The following PTPRG variants were observed in gnomAD, a reference collection of about 807,000 sequenced individuals.
The protein encoded by PTPRG is receptor-type tyrosine-protein phosphatase gamma.
Under a neutral mutation model 165.3 loss-of-function variants are expected in PTPRG, and 102 were observed. That is an observed-to-expected ratio of 0.62 (90% CI 0.53 to 0.73). The LOEUF (loss-of-function observed/expected upper bound fraction) is 0.73, where lower values mean the gene tolerates loss of function less well. PTPRG is among the 30% of genes least tolerant of loss of function. The pLI is 0.00. For missense variants in PTPRG, 1,866 were observed against 1,861.4 expected, an observed-to-expected ratio of 1.00 and a Z score of -0.05; for synonymous variants, 675 against 669.5, an observed-to-expected ratio of 1.01 and a Z score of -0.13.
At chr3:61,800,797 C>G (rs2035205903) in intron 2 of PTPRG, among the ~76,000 whole-genome samples, 1 of 152,088 alleles carries the variant, frequency 6.6e-6, no homozygotes, top group East Asian at 1.9e-4. Context: ...GCACCCGCCA[C>G]CACGCCCAGC....
chr3:61,685,044 CCTT>C (rs1184522423), intron 1 of PTPRG, among the ~76,000 whole-genome samples: 4 of 152,212 alleles, frequency 2.6e-5, no homozygotes, highest in Non-Finnish European at 2.9e-5. Flanking sequence ...CTCCCGCTCT[CCTT>C]CTTTCTTTTC....
intron 4 of PTPRG, among the ~76,000 whole-genome samples, chr3:62,063,731 G>T (rs1700901876): frequency 6.6e-6 from 1 of 152,074 alleles, no homozygotes; most frequent in Non-Finnish European, 1.5e-5. Context: ...TTGAACTGCT[G>T]GCTTCGAGCA....
chr3:61,837,490 G>A (rs552364861), intron 2 of PTPRG, among the ~76,000 whole-genome samples: 1 of 152,340 alleles, frequency 6.6e-6, no homozygotes, highest in South Asian at 2.1e-4. Flanking sequence ...TGAATGTTCG[G>A]CATGCAGGGG....
intron 4 of PTPRG, among the ~76,000 whole-genome samples, chr3:62,020,343 G>A (rs1365282022): frequency 6.6e-6 from 1 of 152,072 alleles, no homozygotes; most frequent in Non-Finnish European, 1.5e-5. Context: ...CCAGAACAAT[G>A]AGTCTCATTT....
Position 62,228,172 on chromosome 3 carries a change from G to A in PTPRG, c.2289-3053G>A, listed in dbSNP as rs1176711876. Reference sequence around the variant, plus strand: ...AGCCAGGGTTAGGTGAGAAGGAGAGGGAGCCAAGAAGGATTTCTCGGAGGA... The same window carrying A: ...AGCCAGGGTTAGGTGAGAAGGAGAGAGAGCCAAGAAGGATTTCTCGGAGGA... On this transcript the variant is annotated intron_variant, in intron 13 of 29. Coordinates refer to ENST00000474889, the MANE Select transcript of PTPRG (RefSeq NM_002841.4). The surrounding 1 kb of genome is among the most constrained non-coding windows in gnomAD (Gnocchi z 4.1). Among the ~76,000 whole-genome samples the A allele has an allele frequency of 1.7e-4, 26 of 152,050 alleles. No individual in the cohort carries two copies. Among genetic ancestry groups the A allele is most frequent in the Admixed American group, 1.6e-3 (25 of 15,264 alleles).
intron 1 of PTPRG, among the ~76,000 whole-genome samples, chr3:61,738,315 T>TATATATAC (rs2032831562): frequency 2.9e-5 from 3 of 104,210 alleles, no homozygotes; most frequent in South Asian, 6.8e-4. Flanking sequence ...TATATATACA[T>TATATATAC]ATATATATAT....
At chr3:62,044,091 C>G (rs918672989) in intron 4 of PTPRG, among the ~76,000 whole-genome samples, 9 of 152,224 alleles carry the variant, frequency 5.9e-5, no homozygotes, top group African/African-American at 2.2e-4. Flanking sequence ...CAGAACCTTT[C>G]CTGTATACTG....
intron 4 of PTPRG, among the ~76,000 whole-genome samples, chr3:62,040,752 T>G (rs1366160878): frequency 2.6e-5 from 4 of 152,188 alleles, no homozygotes; most frequent in Non-Finnish European, 5.9e-5. Context: ...GAGTCCAGCT[T>G]TTAAGTGGAA....
At chr3:61,846,031 C>G (rs566336145) in intron 2 of PTPRG, among the ~76,000 whole-genome samples, 2 of 152,230 alleles carry the variant, frequency 1.3e-5, no homozygotes, top group South Asian at 4.1e-4. Flanking sequence ...GCGCTGTCAC[C>G]TTGAGCAAAG....
In PTPRG at chr3:62,047,203, G is replaced by A. The variant is rs1224893284; in HGVS notation, c.520-30960G>A. ...TGTATTTGAAAGTAGCTTCTAGAAT[G>A]CAGGGATTTTTTGGATTCTTTGTTT... On this transcript the variant is annotated intron_variant, in intron 4 of 29. Transcript: ENST00000474889. Among the ~76,000 whole-genome samples the A allele has an allele frequency of 3.3e-5, 5 of 152,050 alleles. No individual in the cohort carries two copies. In the East Asian group the frequency reaches 9.7e-4, roughly 29 times the overall value.
rs374492326 is a variant in PTPRG at position 62,063,571 on chromosome 3, T to A, written c.520-14592T>A. On this transcript the variant is annotated intron_variant, in intron 4 of 29. Transcript: ENST00000474889. ...ATTTTATGGCTAGGTAGGTGGGAAA[T>A]TATTAGTCTAAATAAATACACTTTT... is the stretch of plus-strand genomic sequence containing the variant. Among the ~76,000 whole-genome samples, 5 of 152,310 alleles carry A rather than the reference T, an allele frequency of 3.3e-5. No homozygotes were observed. In the East Asian group the frequency reaches 5.8e-4, roughly 18 times the overall value.
chr3:61,615,321 A>G (rs917819452), intron 1 of PTPRG, among the ~76,000 whole-genome samples: 3 of 152,188 alleles, frequency 2.0e-5, no homozygotes, highest in African/African-American at 7.2e-5. Flanking sequence ...CTTGGCCTCT[A>G]TGACCTCGAT....
At position 62,071,213 on chromosome 3, in the gene PTPRG, C is replaced by T. The variant is rs573550530; in HGVS notation, c.520-6950C>T. Among the ~76,000 whole-genome samples, 8 of 152,266 alleles carry T rather than the reference C, an allele frequency of 5.3e-5. No homozygotes were observed. The East Asian group carries it at 1.5e-3, about 29-fold the overall frequency. On this transcript the variant is annotated intron_variant, in intron 4 of 29. Coordinates refer to ENST00000474889, the MANE Select transcript of PTPRG (RefSeq NM_002841.4). ...TATCTGCATGCTGTTTCCTTACTTA[C>T]TCCGTCATGATTTTTTTTCTTGGAC... is the stretch of plus-strand genomic sequence containing the variant.
chr3:61,992,740 TG>T (rs2040928078), intron 3 of PTPRG, among the ~76,000 whole-genome samples: 2 of 152,174 alleles, frequency 1.3e-5, no homozygotes, highest in Non-Finnish European at 2.9e-5. Flanking sequence ...CAGACTGCTC[TG>T]GAACTCCTGA....
intron 2 of PTPRG, among the ~76,000 whole-genome samples, chr3:61,786,782 C>T (rs190491068): frequency 1.3e-3 from 196 of 152,240 alleles, no homozygotes; most frequent in African/African-American, 4.3e-3. Flanking sequence ...TCTCTGATTA[C>T]ATCATGTAGA....
At chr3:61,697,519 C>G (rs565413796) in intron 1 of PTPRG, among the ~76,000 whole-genome samples, 16 of 152,318 alleles carry the variant, frequency 1.1e-4, no homozygotes, top group Non-Finnish European at 1.9e-4. Flanking sequence ...AAAGTAGTCA[C>G]CATGCCCAGA....
chr3:62,004,388 C>G (rs1042849304), intron 4 of PTPRG, among the ~76,000 whole-genome samples: 2 of 152,174 alleles, frequency 1.3e-5, no homozygotes, highest in Admixed American at 6.5e-5. Flanking sequence ...AAACTCCACA[C>G]TTATGTTTTA....
intron 1 of PTPRG, among the ~76,000 whole-genome samples, chr3:61,604,188 G>T (rs1700938587): frequency 6.6e-6 from 1 of 152,332 alleles, no homozygotes; most frequent in Non-Finnish European, 1.5e-5. Flanking sequence ...GCTGGGCATA[G>T]TGGTGGGCAC....
chr3:61,823,879 G>C (rs1339294472), intron 2 of PTPRG, among the ~76,000 whole-genome samples: 4 of 151,730 alleles, frequency 2.6e-5, no homozygotes, highest in Non-Finnish European at 4.4e-5. Flanking sequence ...GTAATCCCAG[G>C]ACTTTGGGAG....
Sources: allele counts gnomAD v4.1 joint callset (sites outside exome capture counted in the v4.1 genomes callset), GRCh38; gene constraint gnomAD v4.1.1; non-coding constraint Gnocchi (gnomAD v3.1); transcripts MANE v1.5; gene names NCBI Gene and HGNC (gene_info 2026-07-23, HGNC 2026-07-21).